Variants in ABLIM2 observed in about 807,000 individuals in gnomAD.
ABLIM2 encodes actin binding LIM protein family member 2, also known as actin-binding LIM protein 2.
Under a neutral mutation model 97.7 loss-of-function variants are expected in ABLIM2, and 53 were observed. That is an observed-to-expected ratio of 0.54 (90% CI 0.44 to 0.68). The LOEUF is 0.68. Ranked by LOEUF, ABLIM2 falls within the 30% of genes least tolerant of loss-of-function variation. The pLI, the probability that ABLIM2 is intolerant of heterozygous loss-of-function variation, is 0.00. For synonymous variants in ABLIM2, 361 were observed against 345.8 expected (o/e 1.04, Z -0.49); for missense variants, 835 against 867.2 (o/e 0.96, Z 0.47).
At chr4:8,029,357 G>T (rs1779367311) in intron 11 of ABLIM2, among the ~76,000 whole-genome samples, 1 of 152,138 alleles carries the variant, frequency 6.6e-6, no homozygotes, top group Admixed American at 6.5e-5. Context: ...TCATTAGCTG[G>T]AATCTAAGCG....
chr4:8,005,922 T>C lies in ABLIM2; in HGVS notation c.1618+2137A>G, dbSNP rs78855299. ...GAATTCATGAGTGCAGCACGGGCCA[T>C]TGGAGTCCTGCAGACCCAGCATGCC... On this transcript the variant is annotated intron_variant, in intron 16 of 20. Coordinates refer to ENST00000447017, the MANE Select transcript of ABLIM2 (RefSeq NM_001130083.2). The surrounding 1 kb of genome is among the most constrained non-coding windows in gnomAD (Gnocchi z 4.9). Among the ~76,000 whole-genome samples the C allele has an allele frequency of 0.012, 1,761 of 152,334 alleles. 32 individuals are homozygous for C. Among genetic ancestry groups the C allele is most frequent in the African/African-American group, 0.039 (1,641 of 41,568 alleles).
chr4:8,047,375 C>CCTCCTCCTCCTCTTT (rs1447403217), intron 8 of ABLIM2, among the ~76,000 whole-genome samples: 1 of 151,334 alleles, frequency 6.6e-6, no homozygotes, highest in African/African-American at 2.4e-5. Context: ...TCCTCCTCCT[C>CCTCCTCCTCCTCTTT]CTCCTCCTCC....
At chr4:8,013,604 C>T (rs911975438) in intron 14 of ABLIM2, among the ~76,000 whole-genome samples, 1 of 152,194 alleles carries the variant, frequency 6.6e-6, no homozygotes, top group African/African-American at 2.4e-5. Context: ...AGACCGAGGT[C>T]CGGAGTCTAA....
intron 2 of ABLIM2, 134 bp downstream of exon 2, chr4:8,106,360 G>T: frequency 8.0e-7 from 1 of 1,257,686 alleles, no homozygotes; most frequent in Non-Finnish European, 1.1e-6. Context: ...ACTCTCCTCT[G>T]AAGATTCTGT....
intron 16 of ABLIM2, chr4:8,007,741 G>T (rs542924453): frequency 9.1e-7 from 1 of 1,104,244 alleles, no homozygotes; most frequent in East Asian, 6.1e-5. Context: ...ACTTCCACCC[G>T]GCAGCCCGGA....
rs1312355781 is a variant in ABLIM2, at chr4:8,060,964, T to C, written c.763+3A>G. ...GGACCAAACAACACATTTTAATTTG[T>C]ACCTTGAAGATACATCTCTTCGCCT... On this transcript the variant is annotated splice_donor_region_variant and intron_variant, in intron 7 of 20. Coordinates refer to ENST00000447017, the MANE Select transcript of ABLIM2 (RefSeq NM_001130083.2). 1.3e-6 allele frequency: 2 copies of C among 1,579,844 alleles called. No individual in the cohort carries two copies. Among genetic ancestry groups the C allele is most frequent in the African/African-American group, 1.3e-5 (1 of 74,396 alleles).
chr4:8,018,251 T>C (rs537573188), intron 14 of ABLIM2, among the ~76,000 whole-genome samples: 29 of 152,274 alleles, frequency 1.9e-4, no homozygotes, highest in African/African-American at 7.0e-4. Flanking sequence ...AAGGCCAAGG[T>C]AGTCAATCCC....
At chr4:8,020,399 A>G (rs952566208) in intron 12 of ABLIM2, 96 bp from the exon 13 acceptor site, 3 of 1,115,430 alleles carry the variant, frequency 2.7e-6, no homozygotes, top group African/African-American at 1.5e-5. Context: ...AGCGAGCCCC[A>G]TCTCTCCTGT....
intron 7 of ABLIM2, among the ~76,000 whole-genome samples, chr4:8,060,548 C>T (rs981106607): frequency 5.9e-5 from 9 of 152,168 alleles, no homozygotes; most frequent in African/African-American, 1.9e-4. Flanking sequence ...AGAGGGGTTG[C>T]AGCAGGCTGG....
chr4:8,040,140 G>T (rs577965823), intron 9 of ABLIM2, among the ~76,000 whole-genome samples: 3 of 152,276 alleles, frequency 2.0e-5, no homozygotes, highest in African/African-American at 7.2e-5. Context: ...TCACGGTGAA[G>T]GAAGGGGATG....
At position 8,095,058 on chromosome 4, in the gene ABLIM2, TTC is replaced by T. The variant is rs1156530187; in HGVS notation, c.338+2039_338+2040del. Among the ~76,000 whole-genome samples the T allele has an allele frequency of 1.5e-5, 2 of 136,352 alleles. No homozygotes were observed. Among genetic ancestry groups the T allele is most frequent in the East Asian group, 2.2e-4 (1 of 4,490 alleles). 89.5% of individuals were successfully genotyped at this position (136,352 alleles called of 152,430 possible). On this transcript the variant is annotated intron_variant, in intron 3 of 20. Coordinates refer to ENST00000447017, the MANE Select transcript of ABLIM2 (RefSeq NM_001130083.2). The surrounding 1 kb of genome is among the most constrained non-coding windows in gnomAD (Gnocchi z 4.7). ...TTTCCTTCCTTCCTTCTTTCTTTCT[TTC>T]TCTTTCTTTCTTTCTCTCTCTCTCT...
rs1470118831 is a variant in ABLIM2 at position 8,015,289 on chromosome 4, T to G, written c.1423+4329A>C. On this transcript the variant is annotated intron_variant, in intron 14 of 20. Transcript: ENST00000447017. This position sits in a 1 kb window ranked among gnomAD's most constrained non-coding sequence, Gnocchi z 4.6. ...TGCAGAAGGAGAGGTTAGCGTGTCT[T>G]TTGTATCACACAGACAGTTCCTTCA... 6.6e-6 allele frequency among the ~76,000 whole-genome samples: 1 copy of G among 152,052 alleles called. No individual in the cohort carries two copies. Among genetic ancestry groups the G allele is most frequent in the African/African-American group, 2.4e-5 (1 of 41,392 alleles).
intron 1 of ABLIM2, among the ~76,000 whole-genome samples, chr4:8,109,341 CT>C (rs1201770058): frequency 2.6e-5 from 4 of 152,234 alleles, no homozygotes; most frequent in African/African-American, 9.6e-5. Flanking sequence ...ACCTGCCCCC[CT>C]TCATTTGAGG....
At chr4:8,107,375 T>A (rs1486714409) in intron 1 of ABLIM2, among the ~76,000 whole-genome samples, 2 of 152,206 alleles carry the variant, frequency 1.3e-5, no homozygotes, top group African/African-American at 4.8e-5. Flanking sequence ...CCCAGAAGCC[T>A]CAGGTCTGCC....
intron 1 of ABLIM2, among the ~76,000 whole-genome samples, chr4:8,118,034 T>C (rs1272831768): frequency 6.6e-6 from 1 of 152,188 alleles, no homozygotes; most frequent in African/African-American, 2.4e-5. Context: ...TGTGTTATGA[T>C]CCAGGCCAGC....
At position 7,992,825 on chromosome 4, in the gene ABLIM2, A is replaced by G. The variant is rs759832745; in HGVS notation, c.1680+41T>C. On this transcript the variant is annotated intron_variant, in intron 17 of 20. Transcript: ENST00000447017. The surrounding 1 kb of genome is among the most constrained non-coding windows in gnomAD (Gnocchi z 5.7). ...TGGGAAACGTGCTCAGCCTCACAGC[A>G]ATCGTTAGTACCCTGTGGCCAGGGA... is the stretch of plus-strand genomic sequence containing the variant. 3.1e-6 allele frequency: 5 copies of G among 1,597,750 alleles called. No homozygotes were observed. The highest frequency in any genetic ancestry group is 4.3e-6 in the Non-Finnish European group (5 of 1,168,788).
In ABLIM2 at chr4:8,008,211, AAAAC is replaced by A. The variant is rs1423577038; in HGVS notation, c.1477-15_1477-12del. 4 of 1,611,106 alleles carry A rather than the reference AAAAC, an allele frequency of 2.5e-6. No homozygotes were observed. Among genetic ancestry groups the A allele is most frequent in the Non-Finnish European group, 3.4e-6 (4 of 1,177,542 alleles). On this transcript the variant is annotated splice_polypyrimidine_tract_variant and intron_variant, in intron 15 of 20. Coordinates refer to ENST00000447017, the MANE Select transcript of ABLIM2 (RefSeq NM_001130083.2). ...CCAGCTGCTCTTCTGCTGAAGGTAA[AAAAC>A]AAAGTCATGCAAATGTCAAGGTCAT... is the stretch of plus-strand genomic sequence containing the variant.
Position 8,061,189 on chromosome 4 carries a change from G to C in ABLIM2, c.676-135C>G. ...ACTGGAAGGGCCAGCCCCCACCATC[G>C]GGACCCAAGACCCCTGAGCAGAGCC... On this transcript the variant is annotated intron_variant, in intron 6 of 20. Coordinates refer to ENST00000447017, the MANE Select transcript of ABLIM2 (RefSeq NM_001130083.2). This position sits in a 1 kb window ranked among gnomAD's most constrained non-coding sequence, Gnocchi z 4.5. 1 of 756,688 alleles carries C rather than the reference G, an allele frequency of 1.3e-6. No individual in the cohort carries two copies. The highest frequency in any genetic ancestry group is 1.7e-5 in the South Asian group (1 of 59,620). The allele number at this position is 756,688 out of a possible 1,614,324, so 46.9% of individuals were successfully genotyped here. A position where few individuals can be genotyped will look rare whatever the true frequency, so the allele number is the denominator to read the frequency against.
intron 1 of ABLIM2, among the ~76,000 whole-genome samples, chr4:8,121,538 C>T (rs143221647): frequency 2.6e-5 from 4 of 152,196 alleles, no homozygotes; most frequent in Non-Finnish European, 5.9e-5. Context: ...TGCCACCCCC[C>T]ACACAGAGGC....
Sources: allele counts gnomAD v4.1 joint callset (sites outside exome capture counted in the v4.1 genomes callset), GRCh38; gene constraint gnomAD v4.1.1; non-coding constraint Gnocchi (gnomAD v3.1); transcripts MANE v1.5; gene names NCBI Gene and HGNC (gene_info 2026-07-23, HGNC 2026-07-21).